COG4: variants seen among roughly 807,000 people sequenced by gnomAD.
The protein encoded by COG4 is component of oligomeric golgi complex 4.
Under a neutral mutation model 95.1 loss-of-function variants are expected in COG4, and 65 were observed. The observed-to-expected ratio is 0.68, with a 90% confidence interval of 0.56 to 0.84. COG4 has a LOEUF of 0.84. COG4 is among the 40% of genes least tolerant of loss of function. COG4 has a pLI of 0.00. For missense variants in COG4, 1,045 were observed against 989.1 expected, an observed-to-expected ratio of 1.06 and a Z score of -0.76; for synonymous variants, 421 against 374.8, an observed-to-expected ratio of 1.12 and a Z score of -1.42.
chr16:70,486,833 A>G (rs1037932958), intron 13 of COG4, among the ~76,000 whole-genome samples: 1 of 151,814 alleles, frequency 6.6e-6, no homozygotes. Flanking sequence ...TGTCTCTACT[A>G]AAAAATACAA....
chr16:70,492,446 G>A (rs1270931550), intron 12 of COG4, among the ~76,000 whole-genome samples: 1 of 152,068 alleles, frequency 6.6e-6, no homozygotes, highest in Admixed American at 6.6e-5. Flanking sequence ...ATCACCTGAG[G>A]TTGGGAGTTC....
intron 17 of COG4, 126 bp from the exon 18 acceptor site, chr16:70,481,613 T>C: frequency 6.8e-7 from 1 of 1,479,590 alleles, no homozygotes; most frequent in Non-Finnish European, 9.4e-7. Context: ...TTGTTTGCTC[T>C]ACGGCTTCAG....
intron 17 of COG4, 115 bp downstream of exon 17, chr16:70,481,649 C>A (rs2048994986): frequency 7.4e-7 from 1 of 1,342,642 alleles, no homozygotes; most frequent in South Asian, 1.2e-5. Flanking sequence ...TGGACCCAGA[C>A]ATGCAGGGCC....
intron 17 of COG4, 96 bp downstream of exon 17, chr16:70,481,668 G>A (rs554200729): frequency 2.2e-6 from 3 of 1,344,898 alleles, no homozygotes; most frequent in African/African-American, 2.9e-5. Flanking sequence ...CCTGTGGGCA[G>A]CAGACAGAGG....
At chr16:70,491,406 A>G (rs927888849) in intron 12 of COG4, among the ~76,000 whole-genome samples, 10 of 151,436 alleles carry the variant, frequency 6.6e-5, no homozygotes, top group Non-Finnish European at 1.3e-4. Context: ...CTGTAGACCC[A>G]GCTACCAGGA....
intron 8 of COG4, among the ~76,000 whole-genome samples, chr16:70,506,321 T>A (rs1049646751): frequency 1.3e-5 from 2 of 150,170 alleles, no homozygotes; most frequent in African/African-American, 4.9e-5. Context: ...GAGAATGGCG[T>A]GAATCCAGGA....
chr16:70,501,024 G>A lies in COG4; in HGVS notation c.1129C>T (p.Leu377Phe). 1 of 1,614,078 alleles carries A rather than the reference G, an allele frequency of 6.2e-7. No homozygotes were observed. Among genetic ancestry groups the A allele is most frequent in the South Asian group, 1.1e-5 (1 of 91,088 alleles). ...NARSELYLRF[L>F]KKRISSDFEV... ...AAATCAGAGCTAATCCTCTTCTTGA[G>A]GAAGCGTAAGTATAGCTCACTGCGG... The change falls in exon 9 of 19, where the codon CTC (leucine) becomes TTC (phenylalanine). Residue 377 changes from leucine (L) to phenylalanine (F), a missense_variant. Transcript: ENST00000323786.
rs1418252406 is a variant in COG4 at position 70,523,553 on chromosome 16, C to G, written c.-10G>C. The G allele has an allele frequency of 6.2e-7, 1 of 1,613,638 alleles. No homozygotes were observed. The highest frequency in any genetic ancestry group is 8.5e-7 in the Non-Finnish European group (1 of 1,180,024). On this transcript the variant is annotated 5_prime_UTR_variant, in exon 1 of 19. Coordinates refer to ENST00000323786, the MANE Select transcript of COG4 (RefSeq NM_015386.3). Reference sequence around the variant, plus strand: ...CCATCTTGGTCCCCATTCGGCACTTCCGGTCCCGCGAGGCCCCCTCTTCGT... The same window carrying G: ...CCATCTTGGTCCCCATTCGGCACTTGCGGTCCCGCGAGGCCCCCTCTTCGT...
chr16:70,488,186 T>A lies in COG4; in HGVS notation c.1710+2144A>T, dbSNP rs1286710096. ...TCTTTCTCTGTTGCCCAGGCTAGAGTGAAGTGGCGTGATCTCGACTCACTG... is the reference window on the plus strand; with the variant it reads ...TCTTTCTCTGTTGCCCAGGCTAGAGAGAAGTGGCGTGATCTCGACTCACTG... On this transcript the variant is annotated intron_variant, in intron 13 of 18. Transcript: ENST00000323786. Among the ~76,000 whole-genome samples the A allele has an allele frequency of 2.0e-5, 3 of 151,504 alleles. No homozygotes were observed. In the East Asian group the frequency reaches 5.8e-4, roughly 29 times the overall value.
chr16:70,483,631 T>G (rs970342741), intron 14 of COG4, among the ~76,000 whole-genome samples: 11 of 152,092 alleles, frequency 7.2e-5, no homozygotes, highest in African/African-American at 2.7e-4. Flanking sequence ...AAGTGCAAAG[T>G]CTAGAGCACC....
rs771178085 is a variant in COG4 at position 70,510,009 on chromosome 16, C to T, written c.751G>A (p.Ala251Thr). 1.8e-5 allele frequency: 29 copies of T among 1,613,700 alleles called. No individual in the cohort carries two copies. The Admixed American group carries it at 3.2e-4, about 18-fold the overall frequency. The change falls in exon 6 of 19, where the codon GCT becomes ACT. Residue 251 changes from alanine (A) to threonine (T), a missense_variant. Ala to Thr is a moderately conservative substitution (Grantham distance 58, BLOSUM62 0). Coordinates refer to ENST00000323786, the MANE Select transcript of COG4 (RefSeq NM_015386.3). ...AGCACCATGAGCAGATTCTCCTCAGCTTTACTGGCCACCTAAAAAAGGAGA... is the reference window on the plus strand; with the variant it reads ...AGCACCATGAGCAGATTCTCCTCAGTTTTACTGGCCACCTAAAAAAGGAGA... ...EYLCKQVASK[A>T]EENLLMVLGT...
At chr16:70,501,401 T>C in intron 8 of COG4, 1 of 337,164 alleles carries the variant, frequency 3.0e-6, no homozygotes, top group Non-Finnish European at 5.8e-6. Context: ...TTGCCCAGGC[T>C]GGAGTGCAGT....
intron 13 of COG4, among the ~76,000 whole-genome samples, chr16:70,489,744 G>T (rs926856851): frequency 7.5e-6 from 1 of 132,926 alleles, no homozygotes; most frequent in African/African-American, 2.6e-5. Flanking sequence ...ATCTCATTTC[G>T]TAGATGAGAG....
chr16:70,497,419 C>T, intron 10 of COG4, 32 bp from the exon 11 acceptor site: 11 of 1,605,692 alleles, frequency 6.9e-6, no homozygotes, highest in Non-Finnish European at 7.6e-6. Context: ...CACTGAGGGT[C>T]CCAGTTGTGC....
chr16:70,488,344 G>C (rs1175402652), intron 13 of COG4, among the ~76,000 whole-genome samples: 1 of 151,816 alleles, frequency 6.6e-6, no homozygotes, highest in East Asian at 1.9e-4. Flanking sequence ...ATCTTGGCCA[G>C]GCTTGAATGC....
In COG4 at chr16:70,481,759, C is replaced by G; in HGVS notation, c.2106+5G>C. ...AGCCGCAGACCCATGACCCCTTTAC[C>G]TTACCCGGTTAAAGGTGGATTTCAG... On this transcript the variant is annotated splice_donor_5th_base_variant and intron_variant, in intron 17 of 18. Transcript: ENST00000323786. 1 of 1,613,006 alleles carries G rather than the reference C, an allele frequency of 6.2e-7. No homozygotes were observed. The highest frequency in any genetic ancestry group is 8.5e-7 in the Non-Finnish European group (1 of 1,179,110).
intron 1 of COG4, among the ~76,000 whole-genome samples, chr16:70,521,630 T>A (rs1175608572): frequency 6.6e-6 from 1 of 152,056 alleles, no homozygotes; most frequent in Non-Finnish European, 1.5e-5. Context: ...AAGATTTCCA[T>A]AATTTTCCAC....
At chr16:70,514,614 T>C (rs769714724) in intron 3 of COG4, 105 bp from the exon 4 acceptor site, 49 of 915,060 alleles carry the variant, frequency 5.4e-5, no homozygotes, top group South Asian at 2.6e-4. Context: ...CATATGTCAA[T>C]AGCAATCTCA....
At chr16:70,487,268 T>G in intron 13 of COG4, among the ~76,000 whole-genome samples, 2 of 142,430 alleles carry the variant, frequency 1.4e-5, no homozygotes, top group African/African-American at 2.7e-5. Flanking sequence ...AGAGTGAGAA[T>G]CGGTCTCAAA....
Sources: gnomAD v4.1 joint callset for allele counts (sites outside exome capture counted in the v4.1 genomes callset) on GRCh38, gnomAD v4.1.1 for gene constraint, MANE v1.5 for transcripts, NCBI Gene and HGNC (gene_info 2026-07-23, HGNC 2026-07-21) for gene names.